ABCA12: variants seen among roughly 807,000 people sequenced by gnomAD.
The protein encoded by ABCA12 is ATP binding cassette subfamily A member 12.
ABCA12 carries 156 observed loss-of-function variants against 293.5 expected under a neutral mutation model. The observed-to-expected ratio is 0.53, with a 90% CI of 0.47 to 0.61. ABCA12 has a LOEUF of 0.61. ABCA12 is among the 20% of genes least tolerant of loss of function. The probability of loss-of-function intolerance (pLI) is 0.00; values close to 1 mark genes in which losing one functional copy is unlikely to be tolerated. For missense variants in ABCA12, 2,797 were observed against 3,090.2 expected (o/e 0.91, Z 2.25); for synonymous variants, 1,063 against 1,108.0 (o/e 0.96, Z 0.81).
chr2:214,992,522 CTTTTT>C (rs71041978), intron 23 of ABCA12, among the ~76,000 whole-genome samples: 3 of 47,730 alleles, frequency 6.3e-5, no homozygotes, highest in Admixed American at 4.7e-4. Flanking sequence ...TATCCCCCCC[CTTTTT>C]TTTTTTTTTT....
chr2:215,057,625 C>T (rs1472117822), intron 3 of ABCA12, among the ~76,000 whole-genome samples: 1 of 151,964 alleles, frequency 6.6e-6, no homozygotes, highest in Non-Finnish European at 1.5e-5. Context: ...AATATTCCAC[C>T]AGTAGTGTTT....
intron 4 of ABCA12, 57 bp from the exon 5 acceptor site, chr2:215,052,641 G>T: frequency 7.3e-7 from 1 of 1,378,024 alleles, no homozygotes; most frequent in South Asian, 1.2e-5. Context: ...AAATGCACAG[G>T]ACCACATGAG....
intron 45 of ABCA12, 54 bp from the exon 46 acceptor site, chr2:214,949,203 T>C (rs1698674214): frequency 7.8e-7 from 1 of 1,281,108 alleles, no homozygotes; most frequent in South Asian, 1.2e-5. Flanking sequence ...CAATGAGACA[T>C]TGCTTTTGTA....
intron 3 of ABCA12, among the ~76,000 whole-genome samples, chr2:215,056,614 G>A (rs544784302): frequency 6.6e-6 from 1 of 152,138 alleles, no homozygotes; most frequent in African/African-American, 2.4e-5. Context: ...TTGACAAGGT[G>A]TGGTGTGACA....
At chr2:215,032,062 A>C in intron 8 of ABCA12, 166 bp from the exon 9 acceptor site, 1 of 1,484,298 alleles carries the variant, frequency 6.7e-7, no homozygotes, top group Non-Finnish European at 8.9e-7. Context: ...TTTTGTTGGA[A>C]ATATTTGTGA....
At chr2:214,981,344 G>A (rs1028460920) in intron 30 of ABCA12, among the ~76,000 whole-genome samples, 3 of 151,998 alleles carry the variant, frequency 2.0e-5, no homozygotes, top group African/African-American at 7.3e-5. Flanking sequence ...AATAATTTAA[G>A]ACTTTTTGAA....
At chr2:215,010,253 C>G (rs1700342289) in intron 18 of ABCA12, 78 bp downstream of exon 18, 1 of 1,536,516 alleles carries the variant, frequency 6.5e-7, no homozygotes, top group South Asian at 1.1e-5. Flanking sequence ...AATCAGTCAG[C>G]TAAAGTAAAT....
intron 35 of ABCA12, among the ~76,000 whole-genome samples, chr2:214,974,555 T>C (rs1298257209): frequency 1.3e-5 from 2 of 152,204 alleles, no homozygotes; most frequent in Admixed American, 6.5e-5. Flanking sequence ...AAAATATGTA[T>C]ACAAGAGAGT....
At chr2:214,960,729 A>T (rs906537232) in intron 39 of ABCA12, 16 of 152,140 alleles carry the variant, frequency 1.1e-4, no homozygotes, top group African/African-American at 3.9e-4. Flanking sequence ...CCCATGGACC[A>T]CTGCTTCTAA....
rs747564999 is a variant in ABCA12 at position 214,987,739 on chromosome 2, T to C, written c.3884A>G (p.Lys1295Arg). Reference protein sequence around the residue: ...WYFPILPSYWKERFGCAEVKP... With the variant: ...WYFPILPSYWRERFGCAEVKP... ...CACCTCTGCACACCCAAATCGCTCC[T>C]TCCAATAGGAAGGAAGAATTGGAAA... is the stretch of plus-strand genomic sequence containing the variant. Residue 1295 changes from lysine to arginine, a missense_variant, in exon 27 of 53, where the codon AAG (lysine) becomes AGG (arginine). This residue lies in a region of ABCA12 where 2,130 missense variants were observed against 2,427.0 expected (regional missense o/e 0.88). Transcript: ENST00000272895. 6.2e-7 allele frequency: 1 copy of C among 1,614,042 alleles called. No homozygotes were observed. Among genetic ancestry groups the C allele is most frequent in the East Asian group, 2.2e-5 (1 of 44,856 alleles).
intron 2 of ABCA12, among the ~76,000 whole-genome samples, chr2:215,105,583 ACACACACACACACACACG>A (rs931888937): frequency 7.3e-5 from 10 of 136,646 alleles, no homozygotes; most frequent in African/African-American, 3.4e-4. Context: ...TTCAAGACAC[ACACACACACACACACACG>A]CACACACACA....
intron 2 of ABCA12, among the ~76,000 whole-genome samples, chr2:215,078,373 C>T (rs1264815727): frequency 6.6e-6 from 1 of 152,120 alleles, no homozygotes; most frequent in Non-Finnish European, 1.5e-5. Context: ...TTGTGTTTAG[C>T]CTTTGTCTTC....
chr2:214,997,836 T>G (rs145002052), intron 22 of ABCA12, 27 bp from the exon 23 acceptor site: 1 of 1,422,312 alleles, frequency 7.0e-7, no homozygotes, highest in Non-Finnish European at 9.9e-7. Context: ...AAAAGAAAAA[T>G]TCAGCGACCA....
At chr2:215,108,305 A>G (rs1424986375) in intron 2 of ABCA12, among the ~76,000 whole-genome samples, 4 of 152,214 alleles carry the variant, frequency 2.6e-5, no homozygotes, top group Non-Finnish European at 5.9e-5. Flanking sequence ...TACTCCCCAT[A>G]TTTCTTGATT....
At chr2:215,037,556 A>G (rs909404396) in intron 7 of ABCA12, among the ~76,000 whole-genome samples, 1 of 152,302 alleles carries the variant, frequency 6.6e-6, no homozygotes, top group East Asian at 1.9e-4. Context: ...AAGAAAATGG[A>G]GCTTGCCCTA....
chr2:215,105,377 C>A (rs970279629), intron 2 of ABCA12, among the ~76,000 whole-genome samples: 1 of 152,022 alleles, frequency 6.6e-6, no homozygotes, highest in Non-Finnish European at 1.5e-5. Flanking sequence ...GAGAATGAGA[C>A]GTGTGGAGGA....
intron 9 of ABCA12, among the ~76,000 whole-genome samples, chr2:215,028,709 T>G (rs1051896119): frequency 6.6e-6 from 1 of 152,222 alleles, no homozygotes; most frequent in Non-Finnish European, 1.5e-5. Flanking sequence ...AACAGGAGTG[T>G]GACAGGTGAC....
chr2:214,999,727 G>C, intron 22 of ABCA12: 1 of 855,950 alleles, frequency 1.2e-6, no homozygotes, highest in Non-Finnish European at 1.4e-6. Flanking sequence ...GCACAGTCCC[G>C]TCCACAACAG....
At chr2:214,966,070 A>G (rs1046174657) in intron 39 of ABCA12, among the ~76,000 whole-genome samples, 4 of 152,220 alleles carry the variant, frequency 2.6e-5, no homozygotes, top group African/African-American at 9.6e-5. Flanking sequence ...AAGGAACGAG[A>G]TCATGTCCTT....
Sources: allele counts gnomAD v4.1 joint callset (sites outside exome capture counted in the v4.1 genomes callset), GRCh38; gene constraint gnomAD v4.1.1; regional missense constraint gnomAD v4.1.1; transcripts MANE v1.5; gene names NCBI Gene and HGNC (gene_info 2026-07-23, HGNC 2026-07-21).